Variants in MACROD2 observed in about 807,000 individuals in gnomAD.
The protein encoded by MACROD2 is mono-ADP ribosylhydrolase 2.
A neutral mutation model predicts 70.4 loss-of-function variants in MACROD2; 36 were observed. That is an observed-to-expected ratio of 0.51 (90% confidence interval 0.39 to 0.68). The LOEUF is 0.68. Among genes scored for constraint, MACROD2 ranks in the 30% least tolerant of loss-of-function variants. The pLI is 0.00. For missense variants in MACROD2, 496 were observed against 538.4 expected (o/e 0.92, Z 0.78); for synonymous variants, 172 against 178.8 (o/e 0.96, Z 0.30).
chr20:14,272,604 A>G (rs1228281062), intron 3 of MACROD2, among the ~76,000 whole-genome samples: 1 of 152,046 alleles, frequency 6.6e-6, no homozygotes, highest in Non-Finnish European at 1.5e-5. Context: ...CAAAATAACC[A>G]GCTAACATCA....
At chr20:15,090,546 G>A (rs445945) in intron 5 of MACROD2, among the ~76,000 whole-genome samples, 21,379 of 151,914 alleles carry the variant, frequency 0.14, 1,619 homozygotes, top group Admixed American at 0.18. Flanking sequence ...CACATTTACC[G>A]AGAACTATAA....
chr20:14,249,795 A>G (rs1005599132), intron 3 of MACROD2, among the ~76,000 whole-genome samples: 2 of 152,198 alleles, frequency 1.3e-5, no homozygotes, highest in African/African-American at 2.4e-5. Context: ...TTCTGGAGCC[A>G]TACAATATAC....
intron 2 of MACROD2, among the ~76,000 whole-genome samples, chr20:14,018,198 G>T (rs1454461259): frequency 1.3e-5 from 2 of 151,588 alleles, no homozygotes; most frequent in Non-Finnish European, 2.9e-5. Flanking sequence ...TACAGCTAAA[G>T]GTTTGTCAAT....
At chr20:14,286,632 T>C (rs1184165711) in intron 3 of MACROD2, among the ~76,000 whole-genome samples, 1 of 152,134 alleles carries the variant, frequency 6.6e-6, no homozygotes, top group Non-Finnish European at 1.5e-5. Flanking sequence ...TCTGCCTCAC[T>C]CCATTATATA....
At chr20:14,593,829 G>A (rs1469184140) in intron 4 of MACROD2, among the ~76,000 whole-genome samples, 1 of 152,018 alleles carries the variant, frequency 6.6e-6, no homozygotes, top group Non-Finnish European at 1.5e-5. Context: ...AAATCATGTT[G>A]TTTTGAAAAT....
intron 6 of MACROD2, among the ~76,000 whole-genome samples, chr20:15,333,183 A>C (rs1027195895): frequency 6.6e-6 from 1 of 151,534 alleles, no homozygotes; most frequent in African/African-American, 2.4e-5. Context: ...AGAAGTGCAA[A>C]ATTTTCAGCC....
intron 7 of MACROD2, among the ~76,000 whole-genome samples, chr20:15,451,131 C>G (rs1216097025): frequency 6.6e-6 from 1 of 151,878 alleles, no homozygotes; most frequent in Admixed American, 6.6e-5. Context: ...TTTTGGAAGT[C>G]AGAGGAAGAA....
intron 8 of MACROD2, among the ~76,000 whole-genome samples, chr20:15,734,207 T>C (rs892510617): frequency 2.6e-5 from 4 of 152,134 alleles, no homozygotes; most frequent in African/African-American, 9.7e-5. Context: ...AGGTTAGCAT[T>C]CTGAGTCAGT....
intron 8 of MACROD2, among the ~76,000 whole-genome samples, chr20:15,649,059 T>C (rs1483826585): frequency 6.8e-6 from 1 of 147,838 alleles, no homozygotes; most frequent in East Asian, 2.1e-4. Context: ...TTTGCTTTTT[T>C]CTTTTCTCCT....
chr20:15,295,872 T>C (rs1344573708), intron 6 of MACROD2, among the ~76,000 whole-genome samples: 1 of 152,178 alleles, frequency 6.6e-6, no homozygotes, highest in African/African-American at 2.4e-5. Flanking sequence ...ATAATCTTCC[T>C]GCACCTGACT....
chr20:15,213,733 A>C (rs2076784008), intron 5 of MACROD2, among the ~76,000 whole-genome samples: 1 of 152,140 alleles, frequency 6.6e-6, no homozygotes, highest in Non-Finnish European at 1.5e-5. Context: ...CTGGAAGAGT[A>C]AATGGTTTGT....
chr20:15,360,139 G>A (rs1047769451), intron 6 of MACROD2, among the ~76,000 whole-genome samples: 3 of 152,128 alleles, frequency 2.0e-5, no homozygotes, highest in East Asian at 1.9e-4. Flanking sequence ...TTCTCCACTC[G>A]GTATAATGAC....
intron 6 of MACROD2, among the ~76,000 whole-genome samples, chr20:15,396,691 A>G (rs1489582736): frequency 1.3e-5 from 2 of 152,284 alleles, no homozygotes; most frequent in East Asian, 3.9e-4. Context: ...TGGTCTTAGT[A>G]CCACATGGCC....
At chr20:15,297,841 T>C (rs2077605515) in intron 6 of MACROD2, among the ~76,000 whole-genome samples, 1 of 152,236 alleles carries the variant, frequency 6.6e-6, no homozygotes, top group African/African-American at 2.4e-5. Flanking sequence ...ATGACTCTTC[T>C]TTTTAATGAC....
At chr20:15,369,352 G>A (rs1051407649) in intron 6 of MACROD2, among the ~76,000 whole-genome samples, 7 of 152,252 alleles carry the variant, frequency 4.6e-5, no homozygotes, top group Admixed American at 6.5e-5. Context: ...GGAAAATACC[G>A]TTTTGACAGC....
At chr20:14,146,166 C>A (rs961296937) in intron 3 of MACROD2, among the ~76,000 whole-genome samples, 1 of 151,890 alleles carries the variant, frequency 6.6e-6, no homozygotes, top group African/African-American at 2.4e-5. Flanking sequence ...ACTAAAAATA[C>A]AAAAAATTAG....
Position 14,608,957 on chromosome 20 carries a change from A to G in MACROD2, c.302-75886A>G, listed in dbSNP as rs562803303. Among the ~76,000 whole-genome samples, 6 of 152,268 alleles carry G rather than the reference A, an allele frequency of 3.9e-5. No individual in the cohort carries two copies. In the East Asian group the frequency reaches 1.2e-3, roughly 29 times the overall value. The stretch of plus-strand genomic sequence containing the variant: ...GATAAGAATAAGTTAATTCTGTCCA[A>G]TGGCAGTGAGGGGGCCAGTGTGTAA... On this transcript the variant is annotated intron_variant, in intron 4 of 17. Coordinates refer to ENST00000684519, the MANE Select transcript of MACROD2 (RefSeq NM_001351661.2).
chr20:14,757,481 G>A (rs891768892), intron 5 of MACROD2: 6 of 511,978 alleles, frequency 1.2e-5, no homozygotes, highest in African/African-American at 1.2e-4. Context: ...TTCTTAGGTA[G>A]GCATTAAAGA....
chr20:15,085,873 A>ACAACACACACACAC (rs35503821), intron 5 of MACROD2, among the ~76,000 whole-genome samples: 26 of 144,382 alleles, frequency 1.8e-4, no homozygotes, highest in African/African-American at 5.6e-4. Context: ...ACACACACAC[A>ACAACACACACACAC]ACACACACAC....
Sources: allele counts gnomAD v4.1 joint callset (sites outside exome capture counted in the v4.1 genomes callset), GRCh38; gene constraint gnomAD v4.1.1; transcripts MANE v1.5; gene names NCBI Gene and HGNC (gene_info 2026-07-23, HGNC 2026-07-21).